Variants in PFKM observed in about 807,000 individuals in gnomAD.
The protein encoded by PFKM is ATP-dependent 6-phosphofructokinase, muscle type.
A neutral mutation model predicts 95.5 loss-of-function variants in PFKM; 58 were observed. The ratio of observed to expected loss-of-function variants is 0.61; its 90% CI spans 0.49 to 0.76. The LOEUF (loss-of-function observed/expected upper bound fraction) is 0.76, where lower values mean the gene tolerates loss of function less well. Among genes scored for constraint, PFKM ranks in the 30% least tolerant of loss-of-function variants. PFKM has a pLI of 0.00. For missense variants in PFKM, 678 were observed against 1,005.4 expected, an observed-to-expected ratio of 0.67 and a Z score of 4.40; for synonymous variants, 336 against 357.2, an observed-to-expected ratio of 0.94 and a Z score of 0.67.
intron 2 of PFKM, among the ~76,000 whole-genome samples, chr12:48,125,992 A>G (rs1183570490): frequency 6.6e-6 from 1 of 152,144 alleles, no homozygotes; most frequent in South Asian, 2.1e-4. Context: ...TTTTCTGTCT[A>G]GTCTCATAGA....
intron 2 of PFKM, among the ~76,000 whole-genome samples, chr12:48,126,162 A>C (rs566755991): frequency 6.6e-6 from 1 of 152,310 alleles, no homozygotes; most frequent in Admixed American, 6.5e-5. Flanking sequence ...TCTTGCTTCT[A>C]ATAAGTCAGA....
chr12:48,143,691 A>G (rs375947116), intron 18 of PFKM, 62 bp from the exon 19 acceptor site: 16 of 1,192,544 alleles, frequency 1.3e-5, no homozygotes, highest in Non-Finnish European at 1.9e-5. Flanking sequence ...GGTGTGGAAG[A>G]TGATTTATAC....
intron 2 of PFKM, among the ~76,000 whole-genome samples, chr12:48,124,268 G>A (rs777499516): frequency 6.6e-6 from 1 of 152,196 alleles, no homozygotes; most frequent in Non-Finnish European, 1.5e-5. Context: ...GGAATGCAGA[G>A]CCCTAGTTGA....
chr12:48,139,962 GTC>G (rs986818423), intron 13 of PFKM, 50 bp downstream of exon 13: 3 of 1,218,320 alleles, frequency 2.5e-6, no homozygotes, highest in African/African-American at 1.5e-5. Context: ...CCCTCCCCCA[GTC>G]TCTCTTCATA....
chr12:48,134,167 G>A (rs1455324709), intron 6 of PFKM, 65 bp from the exon 7 acceptor site: 12 of 1,348,790 alleles, frequency 8.9e-6, no homozygotes, highest in Non-Finnish European at 1.3e-5. Context: ...TGGCCTAGAT[G>A]TGGGTGGTGG....
intron 19 of PFKM, 98 bp from the exon 20 acceptor site, chr12:48,143,948 C>T (rs1950800944): frequency 8.9e-7 from 1 of 1,121,382 alleles, no homozygotes; most frequent in South Asian, 1.2e-5. Context: ...TCCCTTGAAT[C>T]CTTGGAGGAG....
chr12:48,108,040 C>T, intron 2 of PFKM: 1 of 1,598,258 alleles, frequency 6.3e-7, no homozygotes, highest in Non-Finnish European at 8.5e-7. Context: ...AGAATCCCAC[C>T]TTGAGGGTGA....
chr12:48,121,095 T>G (rs990311034), intron 1 of PFKM, among the ~76,000 whole-genome samples: 3 of 152,206 alleles, frequency 2.0e-5, no homozygotes, highest in Non-Finnish European at 4.4e-5. Flanking sequence ...TGATCCAGTT[T>G]AGACAACATG....
chr12:48,139,244 C>A, intron 11 of PFKM, 41 bp from the exon 12 acceptor site: 1 of 1,521,662 alleles, frequency 6.6e-7, no homozygotes, highest in Non-Finnish European at 9.1e-7. Flanking sequence ...GTGCAGAATC[C>A]TGACCCTGGA....
chr12:48,108,685 C>A (rs1277291796), intron 3 of PFKM, among the ~76,000 whole-genome samples: 3 of 152,114 alleles, frequency 2.0e-5, no homozygotes, highest in African/African-American at 7.2e-5. Context: ...AATTCACAGG[C>A]AATTTATATG....
intron 3 of PFKM, among the ~76,000 whole-genome samples, chr12:48,130,989 T>C (rs117376913): frequency 0.018 from 2,805 of 152,270 alleles, 40 homozygotes; most frequent in Middle Eastern, 0.071. Flanking sequence ...TTCTCCATGG[T>C]TATCAAGACC....
chr12:48,131,420 A>G (rs770462732), intron 4 of PFKM, 27 bp downstream of exon 4: 8 of 1,517,996 alleles, frequency 5.3e-6, no homozygotes, highest in African/African-American at 2.7e-5. Flanking sequence ...TCCCTGTCCC[A>G]TATTTGCTCT....
chr12:48,108,128 A>G (rs2137520675), exon 3 of PFKM: 1 of 1,599,222 alleles, frequency 6.3e-7, no homozygotes, highest in East Asian at 2.2e-5. Flanking sequence ...AAAGACAGAC[A>G]TCTTGAAGAG....
In PFKM at chr12:48,134,788, G is replaced by C. The variant is rs1390195025; in HGVS notation, c.706G>C (p.Asp236His). ...DWVFIPECPP[D>H]DDWEEHLCRR... Reference sequence around the variant, plus strand: ...GGTTTTTATTCCTGAATGTCCACCAGATGACGACTGGGAGGAACACCTTTG... The same window carrying C: ...GGTTTTTATTCCTGAATGTCCACCACATGACGACTGGGAGGAACACCTTTG... Residue 236 changes from aspartate (D) to histidine (H), a missense_variant, in exon 8 of 23, where the codon GAT (aspartate) becomes CAT (histidine). Asp to His is a moderately conservative substitution (Grantham distance 81). Coordinates refer to ENST00000359794, the MANE Select transcript of PFKM (RefSeq NM_000289.6). The C allele has an allele frequency of 1.9e-6, 3 of 1,614,162 alleles. No homozygotes were observed. The highest frequency in any genetic ancestry group is 2.5e-6 in the Non-Finnish European group (3 of 1,180,016).
chr12:48,128,177 A>G (rs1386229514), intron 2 of PFKM, among the ~76,000 whole-genome samples: 2 of 152,158 alleles, frequency 1.3e-5, no homozygotes. Flanking sequence ...TCCCATGACA[A>G]ATGCTGTCTT....
chr12:48,128,088 T>C (rs79463480), intron 2 of PFKM, among the ~76,000 whole-genome samples: 9,116 of 152,316 alleles, frequency 0.06, 362 homozygotes, highest in Non-Finnish European at 0.093. Flanking sequence ...CCTTTATTTG[T>C]GCTATTCCCT....
rs1221162973 is a variant in PFKM at position 48,133,057 on chromosome 12, G to A, written c.427G>A (p.Gly143Ser). The change falls in exon 5 of 23, where the codon GGT (glycine) becomes AGT (serine). Residue 143 changes from glycine (G) to serine (S), a missense_variant and splice_region_variant. Physicochemically the swap from Gly to Ser is moderately conservative, Grantham distance 56. Transcript: ENST00000359794. ...CTTGTTGAGTGACCTCCAGAAAGCA[G>A]GTAAGAGAGTTTTCACATCAGTATT... ...SDLLSDLQKA[G>S]KITDEEATKS... 3.1e-6 allele frequency: 5 copies of A among 1,613,960 alleles called. No homozygotes were observed. The East Asian group carries it at 6.7e-5, about 22-fold the overall frequency.
In PFKM at chr12:48,142,041, A is replaced by C. The variant is rs121918194; in HGVS notation, c.1628A>C (p.Asp543Ala). ...GGCTCAGACTTCAGCGTTGGGGCTG[A>C]CACAGCACTCAATACTATCTGCACA... ...VPGSDFSVGA[D>A]TALNTICTTC... is the part of the protein sequence containing the mutation. Residue 543 changes from aspartate (D) to alanine (A), a missense_variant, in exon 17 of 23, where the codon GAC (aspartate) becomes GCC (alanine). Asp to Ala is a moderately radical substitution (Grantham distance 126). Coordinates refer to ENST00000359794, the MANE Select transcript of PFKM (RefSeq NM_000289.6). The C allele has an allele frequency of 2.5e-6, 4 of 1,614,166 alleles. No individual in the cohort carries two copies. Among genetic ancestry groups the C allele is most frequent in the Non-Finnish European group, 3.4e-6 (4 of 1,180,010 alleles).
intron 19 of PFKM, 49 bp from the exon 20 acceptor site, chr12:48,143,997 G>A (rs765368322): frequency 7.5e-7 from 1 of 1,334,776 alleles, no homozygotes; most frequent in South Asian, 1.2e-5. Flanking sequence ...AGAAATGGGG[G>A]ATGGGAAGCC....
Sources: allele counts gnomAD v4.1 joint callset (sites outside exome capture counted in the v4.1 genomes callset), GRCh38; gene constraint gnomAD v4.1.1; transcripts MANE v1.5; gene names NCBI Gene and HGNC (gene_info 2026-07-23, HGNC 2026-07-21).